ZBTB10: variants seen among roughly 807,000 people sequenced by gnomAD.
ZBTB10 encodes zinc finger and BTB domain-containing protein 10.
In ZBTB10, 32 loss-of-function variants were observed where a neutral mutation model predicts 76.4. That is an observed-to-expected ratio of 0.42 (90% CI 0.32 to 0.56). The LOEUF (loss-of-function observed/expected upper bound fraction) is 0.56, where lower values mean the gene tolerates loss of function less well. Among genes scored for constraint, ZBTB10 ranks in the 20% least tolerant of loss-of-function variants. The probability of loss-of-function intolerance (pLI) is 0.14; values close to 1 mark genes in which losing one functional copy is unlikely to be tolerated. For synonymous variants in ZBTB10, 523 were observed against 432.9 expected (o/e 1.21, Z -2.58); for missense variants, 1,057 against 1,098.5 (o/e 0.96, Z 0.53).
In ZBTB10 at chr8:80,499,475, G is replaced by GT. The variant is rs1357638389; in HGVS notation, c.973-13dup. On this transcript the variant is annotated intron_variant, in intron 1 of 5. Transcript: ENST00000455036. ...AAAGTCAATAAAGTTTAATATTAATGTTTTTTATCCAATTACAGGAGTCAG... is the reference window on the plus strand; with the variant it reads ...AAAGTCAATAAAGTTTAATATTAATGTTTTTTTATCCAATTACAGGAGTCAG... 17 of 1,539,072 alleles carry GT rather than the reference G, an allele frequency of 1.1e-5. No individual in the cohort carries two copies. Among genetic ancestry groups the GT allele is most frequent in the Non-Finnish European group, 1.4e-5 (16 of 1,145,880 alleles).
chr8:80,495,033 T>C (rs1815745711), intron 1 of ZBTB10, among the ~76,000 whole-genome samples: 1 of 152,136 alleles, frequency 6.6e-6, no homozygotes, highest in Non-Finnish European at 1.5e-5. Flanking sequence ...TCTCTCCTCT[T>C]TGCTATTTCG....
intron 1 of ZBTB10, among the ~76,000 whole-genome samples, chr8:80,498,996 A>C (rs192138373): frequency 7.2e-5 from 11 of 152,264 alleles, no homozygotes; most frequent in African/African-American, 2.6e-4. Context: ...ATTGACCTAA[A>C]CTGTTTGATT....
In ZBTB10 at chr8:80,518,420, A is replaced by C. The variant is rs552356923; in HGVS notation, c.1978A>C (p.Lys660Gln). ...GGDAGTSHDF[K>Q]YGLMPGPSND... ...TGTACTAGGTACTTCACATGATTTC[A>C]AGTATGGTTTGATGCCTGGTCCTTC... The change falls in exon 4 of 6, where the codon AAG becomes CAG. Residue 660 changes from lysine (K) to glutamine (Q), a missense_variant. This residue lies in a region of ZBTB10 where 306 missense variants were observed against 297.5 expected (regional missense o/e 1.03). Coordinates refer to ENST00000455036, the MANE Select transcript of ZBTB10 (RefSeq NM_001105539.3). 11 of 1,551,006 alleles carry C rather than the reference A, an allele frequency of 7.1e-6. No homozygotes were observed. In the African/African-American group the frequency reaches 9.6e-5, roughly 13 times the overall value.
intron 1 of ZBTB10, among the ~76,000 whole-genome samples, chr8:80,494,454 A>G (rs1180505923): frequency 1.3e-5 from 2 of 152,186 alleles, no homozygotes; most frequent in Non-Finnish European, 2.9e-5. Context: ...TTAGGCCCCA[A>G]GCTGGAATGC....
rs759349565 is a variant in ZBTB10 at position 80,524,470 on chromosome 8, C to T, written c.*4942C>T. ...TGTATATTTGTGGACTGATTGACTA[C>T]AAGTGATGTGATGTTATAAATTTGA... is the stretch of plus-strand genomic sequence containing the variant. On this transcript the variant is annotated 3_prime_UTR_variant, in exon 6 of 6. Transcript: ENST00000455036. The T allele has an allele frequency of 1.3e-5, 2 of 152,012 alleles. No individual in the cohort carries two copies. The highest frequency in any genetic ancestry group is 2.9e-5 in the Non-Finnish European group (2 of 67,960). 9.4% of individuals were successfully genotyped at this position (152,012 alleles called of 1,614,324 possible).
Position 80,500,958 on chromosome 8 carries a change from C to T in ZBTB10, c.1861+576C>T, listed in dbSNP as rs151131002. ...GGAGTCTCACTGCAAACTCCGCCTC[C>T]CAGGTTCAAACGATTCTCCTGCCTC... On this transcript the variant is annotated intron_variant, in intron 2 of 5. Transcript: ENST00000455036. Among the ~76,000 whole-genome samples the T allele has an allele frequency of 8.8e-3, 1,344 of 152,224 alleles. 20 individuals are homozygous for T. Among genetic ancestry groups the T allele is most frequent in the African/African-American group, 0.031 (1,272 of 41,542 alleles).
Position 80,486,794 on chromosome 8 carries a change from C to CGGG in ZBTB10, c.-15_-14insGGG. ...CGCGAGCCGGGGCACCGGGCGGCGGCGGCGGCGGCGCGCGCCATGTCGTTC... is the reference window on the plus strand; with the variant it reads ...CGCGAGCCGGGGCACCGGGCGGCGGCGGGGGCGGCGGCGCGCGCCATGTCGTTC... On this transcript the variant is annotated 5_prime_UTR_variant, in exon 1 of 6. Transcript: ENST00000455036. 1.4e-6 allele frequency: 2 copies of CGGG among 1,402,656 alleles called. No homozygotes were observed. Among genetic ancestry groups the CGGG allele is most frequent in the Non-Finnish European group, 1.8e-6 (2 of 1,083,364 alleles). The allele number at this position is 1,402,656 out of a possible 1,614,324, so 86.9% of individuals were successfully genotyped here. A position where few individuals can be genotyped will look rare whatever the true frequency, so the allele number is the denominator to read the frequency against.
chr8:80,487,422 C>T lies in ZBTB10; in HGVS notation c.612C>T (p.Cys204=). 2.6e-6 allele frequency: 4 copies of T among 1,538,174 alleles called. No individual in the cohort carries two copies. The highest frequency in any genetic ancestry group is 3.5e-6 in the Non-Finnish European group (4 of 1,139,138). ...GDGSGAEGGS[C]SSSRRSGGDG... ...GCAGCGGGGCGGAAGGCGGCAGCTG[C>T]AGCAGCAGCAGGCGGTCGGGCGGCG... The change falls in exon 1 of 6, where the codon TGC becomes TGT. Residue 204 remains cysteine, a synonymous_variant. Coordinates refer to ENST00000455036, the MANE Select transcript of ZBTB10 (RefSeq NM_001105539.3).
chr8:80,510,000 G>A (rs1331857939), intron 2 of ZBTB10, among the ~76,000 whole-genome samples: 1 of 152,002 alleles, frequency 6.6e-6, no homozygotes, highest in African/African-American at 2.4e-5. Context: ...TGCAATACAT[G>A]GTTAATTAGA....
chr8:80,498,377 A>G (rs1010885315), intron 1 of ZBTB10, among the ~76,000 whole-genome samples: 1 of 152,176 alleles, frequency 6.6e-6, no homozygotes, highest in African/African-American at 2.4e-5. Context: ...TGTTTAACTT[A>G]ATATTTTGTG....
intron 2 of ZBTB10, among the ~76,000 whole-genome samples, chr8:80,502,738 T>TAATA (rs1554552402): frequency 1.4e-5 from 2 of 145,084 alleles, no homozygotes; most frequent in South Asian, 2.2e-4. Context: ...GCTAAAACAG[T>TAATA]AAAAAAAAAA....
chr8:80,493,200 C>CGT (rs1314535117), intron 1 of ZBTB10, among the ~76,000 whole-genome samples: 10 of 117,552 alleles, frequency 8.5e-5, no homozygotes, highest in African/African-American at 3.2e-4. Context: ...AAAACGCGCG[C>CGT]GCGCGCGCAC....
chr8:80,499,035 CT>C (rs879674234), intron 1 of ZBTB10, among the ~76,000 whole-genome samples: 2 of 152,080 alleles, frequency 1.3e-5, no homozygotes, highest in Non-Finnish European at 2.9e-5. Context: ...TAAAATTTAC[CT>C]TTTTATTAAT....
At position 80,487,223 on chromosome 8, in the gene ZBTB10, G is replaced by A. The variant is rs939426159; in HGVS notation, c.413G>A (p.Ser138Asn). 4 of 1,546,736 alleles carry A rather than the reference G, an allele frequency of 2.6e-6. No homozygotes were observed. In the African/African-American group the frequency reaches 5.5e-5, roughly 21 times the overall value. Residue 138 changes from serine (S) to asparagine (N), a missense_variant, in exon 1 of 6, where the codon AGT becomes AAT. By Grantham distance (46) the Ser-to-Asn change is conservative. Transcript: ENST00000455036. Reference protein sequence around the residue: ...GGGGGLGNNGSSRGRPETSVW... With the variant: ...GGGGGLGNNGNSRGRPETSVW... ...GGCGGGGGTCTCGGCAACAATGGCAGTAGCCGCGGCCGCCCCGAGACCTCG... is the reference window on the plus strand; with the variant it reads ...GGCGGGGGTCTCGGCAACAATGGCAATAGCCGCGGCCGCCCCGAGACCTCG...
chr8:80,512,647 G>A (rs1816224377), intron 2 of ZBTB10, among the ~76,000 whole-genome samples: 1 of 152,186 alleles, frequency 6.6e-6, no homozygotes, highest in Admixed American at 6.5e-5. Context: ...GGGAGGCAGA[G>A]GTTGCAGTGA....
intron 1 of ZBTB10, among the ~76,000 whole-genome samples, chr8:80,495,211 C>T (rs2131481909): frequency 6.6e-6 from 1 of 151,516 alleles, no homozygotes. Flanking sequence ...TACCAGCCAT[C>T]CTGTCGCCTT....
In ZBTB10 at chr8:80,523,671, A is replaced by G. The variant is rs1179589721; in HGVS notation, c.*4143A>G. ...CTTTCAACTGAAGTTAAAGAATTCT[A>G]GATAGTTTAAAATGTGTTAGGGATA... On this transcript the variant is annotated 3_prime_UTR_variant, in exon 6 of 6. Transcript: ENST00000455036. 1 of 151,746 alleles carries G rather than the reference A, an allele frequency of 6.6e-6. No individual in the cohort carries two copies. Among genetic ancestry groups the G allele is most frequent in the African/African-American group, 2.4e-5 (1 of 41,346 alleles). 9.4% of individuals were successfully genotyped at this position (151,746 alleles called of 1,614,324 possible).
upstream of ZBTB10, chr8:80,485,729 T>C (rs1261064265): frequency 6.7e-7 from 1 of 1,494,458 alleles, no homozygotes. Flanking sequence ...GTCCAGTCTT[T>C]GTGAAGGAAC....
rs556356682 is a variant in ZBTB10 at position 80,519,322 on chromosome 8, G to A, written c.2410G>A (p.Val804Ile). 6.2e-6 allele frequency: 10 copies of A among 1,613,756 alleles called. No individual in the cohort carries two copies. The highest frequency in any genetic ancestry group is 2.2e-5 in the East Asian group (1 of 44,880). The stretch of plus-strand genomic sequence containing the variant: ...AAGACATGGATCTCGACGTTATGGT[G>A]TTTGTGTAGACTGTGCAGATAAATC... ...GIRHGSRRYG[V>I]CVDCADKSQP... is the part of the protein sequence containing the mutation. Residue 804 changes from valine (V) to isoleucine (I), a missense_variant, in exon 6 of 6, where the codon GTT becomes ATT. Val to Ile is a conservative substitution (Grantham distance 29, BLOSUM62 3). Around this residue, in one of 5 missense-constraint regions of ZBTB10, gnomAD observed 54 missense variants for 138.1 expected, o/e 0.39. Transcript: ENST00000455036.
Sources: gnomAD v4.1 joint callset for allele counts (sites outside exome capture counted in the v4.1 genomes callset) on GRCh38, gnomAD v4.1.1 for gene constraint, gnomAD v4.1.1 regional missense constraint, MANE v1.5 for transcripts, NCBI Gene and HGNC (gene_info 2026-07-23, HGNC 2026-07-21) for gene names.